USH2A: variants seen among roughly 807,000 people sequenced by gnomAD.
USH2A encodes the protein usherin.
Under a neutral mutation model 538.9 loss-of-function variants are expected in USH2A, and 443 were observed. That is an observed-to-expected ratio of 0.82 (90% CI 0.76 to 0.89). USH2A has a LOEUF of 0.89. Ranked by LOEUF, USH2A falls within the 40% of genes least tolerant of loss-of-function variation. The pLI is 0.00. For missense variants in USH2A, 6,633 were observed against 6,324.8 expected, an observed-to-expected ratio of 1.05 and a Z score of -1.65; for synonymous variants, 2,413 against 2,273.5, an observed-to-expected ratio of 1.06 and a Z score of -1.75.
Position 216,300,540 on chromosome 1 carries a change from C to A in USH2A, c.1645-8170G>T, listed in dbSNP as rs560182745. Among the ~76,000 whole-genome samples, 200 of 152,250 alleles carry A rather than the reference C, an allele frequency of 1.3e-3. 6 individuals carry two copies. In the South Asian group the frequency reaches 0.038, roughly 29 times the overall value. The stretch of plus-strand genomic sequence containing the variant: ...TCAGGTATGAAAATCATTGAATAGT[C>A]ATTGAATCTAGAAGACACTGATGAA... On this transcript the variant is annotated intron_variant, in intron 9 of 71. Transcript: ENST00000307340.
chr1:216,108,588 T>C (rs574907428), intron 21 of USH2A, among the ~76,000 whole-genome samples: 4 of 152,142 alleles, frequency 2.6e-5, no homozygotes, highest in East Asian at 1.9e-4. Flanking sequence ...CACATCTCCA[T>C]GTATGTTAAA....
intron 38 of USH2A, among the ~76,000 whole-genome samples, chr1:215,903,899 C>A (rs1665566439): frequency 6.6e-6 from 1 of 152,224 alleles, no homozygotes; most frequent in African/African-American, 2.4e-5. Context: ...CTTACCTTCA[C>A]ATTTTTGGTT....
At chr1:216,205,202 T>C (rs1057345633) in intron 16 of USH2A, among the ~76,000 whole-genome samples, 28 of 152,316 alleles carry the variant, frequency 1.8e-4, no homozygotes, top group Middle Eastern at 6.8e-3. Flanking sequence ...TCAGAAATAA[T>C]CAGTGGTACT....
chr1:215,775,673 A>G (rs1661441692), intron 55 of USH2A, among the ~76,000 whole-genome samples: 1 of 152,208 alleles, frequency 6.6e-6, no homozygotes, highest in African/African-American at 2.4e-5. Flanking sequence ...CCTTACAAAG[A>G]ATTTCTACAT....
intron 13 of USH2A, among the ~76,000 whole-genome samples, chr1:216,242,447 C>T (rs1305308103): frequency 2.6e-5 from 4 of 151,824 alleles, no homozygotes; most frequent in African/African-American, 7.2e-5. Context: ...ATTTAATTGA[C>T]GATACTGAGA....
chr1:215,911,752 A>G (rs1490952546), intron 38 of USH2A, among the ~76,000 whole-genome samples: 1 of 152,084 alleles, frequency 6.6e-6, no homozygotes, highest in Non-Finnish European at 1.5e-5. Context: ...GTCATATGGT[A>G]GCTCAATTTT....
intron 4 of USH2A, among the ~76,000 whole-genome samples, chr1:216,331,691 T>C (rs1462786344): frequency 6.6e-6 from 1 of 152,114 alleles, no homozygotes; most frequent in African/African-American, 2.4e-5. Flanking sequence ...ATAATTTAAT[T>C]TCTATATACT....
At chr1:215,725,717 T>G (rs1659797554) in intron 61 of USH2A, among the ~76,000 whole-genome samples, 1 of 152,120 alleles carries the variant, frequency 6.6e-6, no homozygotes, top group African/African-American at 2.4e-5. Context: ...AAAAAATCTT[T>G]GGAAAAATAG....
chr1:215,763,915 T>C (rs1661056783), intron 56 of USH2A, among the ~76,000 whole-genome samples: 1 of 152,116 alleles, frequency 6.6e-6, no homozygotes, highest in Non-Finnish European at 1.5e-5. Flanking sequence ...TAAAAAATTA[T>C]GTATTACATA....
chr1:216,335,437 T>A (rs2037950202), intron 4 of USH2A, among the ~76,000 whole-genome samples: 1 of 151,226 alleles, frequency 6.6e-6, no homozygotes, highest in Non-Finnish European at 1.5e-5. Flanking sequence ...TTATAAAGAT[T>A]TGAGCAGACA....
rs2030842261 is a variant in USH2A at position 216,052,917 on chromosome 1, T to C, written c.6050-4270A>G. On this transcript the variant is annotated intron_variant, in intron 30 of 71. Transcript: ENST00000307340. ...TGAGATCATTGAGTGGTTATCCTAA[T>C]GGCTTTGCTTTAAGTGTCAGGGTTC... Among the ~76,000 whole-genome samples, 3 of 152,228 alleles carry C rather than the reference T, an allele frequency of 2.0e-5. No homozygotes were observed. The South Asian group carries it at 6.2e-4, about 31-fold the overall frequency.
chr1:216,084,442 T>A (rs958431593), intron 25 of USH2A, among the ~76,000 whole-genome samples: 39 of 152,146 alleles, frequency 2.6e-4, no homozygotes, highest in Non-Finnish European at 4.6e-4. Flanking sequence ...TGGACATTGG[T>A]GATGCTAACA....
chr1:216,097,137 C>G lies in USH2A; in HGVS notation c.4704G>C (p.Glu1568Asp). 6.2e-7 allele frequency: 1 copy of G among 1,614,132 alleles called. No homozygotes were observed. The highest frequency in any genetic ancestry group is 8.5e-7 in the Non-Finnish European group (1 of 1,179,998). Residue 1568 changes from glutamate (E) to aspartate (D), a missense_variant, in exon 22 of 72, where the codon GAG (glutamate) becomes GAC (aspartate). Coordinates refer to ENST00000307340, the MANE Select transcript of USH2A (RefSeq NM_206933.4). The stretch of plus-strand genomic sequence containing the variant: ...CCTTCTTCAACTGAAGTGCAAAATA[C>G]TCTTCCTGATTGCCAGGTGATGCTG... Reference protein sequence around the residue: ...VFAASPGNQEEYFALQLKKGR... With the variant: ...VFAASPGNQEDYFALQLKKGR...
chr1:216,171,504 A>G (rs1429354407), intron 21 of USH2A, among the ~76,000 whole-genome samples: 1 of 152,110 alleles, frequency 6.6e-6, no homozygotes, highest in East Asian at 1.9e-4. Flanking sequence ...AACAGCAAAT[A>G]AATTAATAGA....
intron 30 of USH2A, among the ~76,000 whole-genome samples, chr1:216,066,372 A>C (rs897940241): frequency 6.6e-6 from 1 of 152,126 alleles, no homozygotes; most frequent in African/African-American, 2.4e-5. Context: ...AGGCTGAGGC[A>C]AGAGAATGGC....
chr1:216,405,679 T>C (rs1388250860), intron 3 of USH2A, among the ~76,000 whole-genome samples: 1 of 152,204 alleles, frequency 6.6e-6, no homozygotes, highest in African/African-American at 2.4e-5. Context: ...ATTGCACTCT[T>C]GAGCATTTAT....
chr1:215,696,400 G>A (rs1187291379), intron 61 of USH2A, among the ~76,000 whole-genome samples: 1 of 152,072 alleles, frequency 6.6e-6, no homozygotes, highest in Admixed American at 6.6e-5. Flanking sequence ...TACAGGTTTG[G>A]GTTTTGAAAC....
intron 38 of USH2A, among the ~76,000 whole-genome samples, chr1:215,931,791 C>G (rs1164040153): frequency 6.6e-6 from 1 of 151,990 alleles, no homozygotes; most frequent in Non-Finnish European, 1.5e-5. Context: ...ACAGTTCCTA[C>G]TCTATAGGAT....
chr1:216,086,563 C>T (rs1267291883), intron 24 of USH2A, among the ~76,000 whole-genome samples, 156 bp downstream of exon 24: 1 of 151,730 alleles, frequency 6.6e-6, no homozygotes, highest in Admixed American at 6.6e-5. Flanking sequence ...TACATGGTTC[C>T]TTTAAAAAAA....
Sources: gnomAD v4.1 joint callset for allele counts (sites outside exome capture counted in the v4.1 genomes callset) on GRCh38, gnomAD v4.1.1 for gene constraint, MANE v1.5 for transcripts, NCBI Gene and HGNC (gene_info 2026-07-23, HGNC 2026-07-21) for gene names.